NAV1: variants seen among roughly 807,000 people sequenced by gnomAD.
NAV1 encodes neuron navigator 1.
NAV1 carries 18 observed loss-of-function variants against 175.2 expected under a neutral mutation model. The ratio of observed to expected loss-of-function variants is 0.10; its 90% confidence interval spans 0.07 to 0.15. NAV1 has a LOEUF of 0.15. Among genes scored for constraint, NAV1 ranks in the 10% least tolerant of loss-of-function variants. NAV1 has a pLI of 1.00. For missense variants in NAV1, 1,731 were observed against 2,436.6 expected, an observed-to-expected ratio of 0.71 and a Z score of 6.10; for synonymous variants, 897 against 978.7, an observed-to-expected ratio of 0.92 and a Z score of 1.56.
At chr1:201,677,868 A>G (rs934821894) in intron 1 of NAV1, among the ~76,000 whole-genome samples, 1 of 152,090 alleles carries the variant, frequency 6.6e-6, no homozygotes, top group African/African-American at 2.4e-5. Context: ...GAGCTCAAGC[A>G]GTTTGCCCAC....
Position 201,750,298 on chromosome 1 carries a change from C to T in NAV1, c.1227-30123C>T, listed in dbSNP as rs1253775751. 1.3e-5 allele frequency among the ~76,000 whole-genome samples: 2 copies of T among 152,070 alleles called. No homozygotes were observed. Among genetic ancestry groups the T allele is most frequent in the African/African-American group, 2.4e-5 (1 of 41,410 alleles). ...CCCAAAGCAGAAAAACACCCATTTG[C>T]GTGGATGACTTGGTGCATCAGTGAT... On this transcript the variant is annotated intron_variant, in intron 3 of 29. Transcript: ENST00000367296. This position sits in a 1 kb window ranked among gnomAD's most constrained non-coding sequence, Gnocchi z 4.1.
chr1:201,658,432 A>T (rs1402303629), intron 1 of NAV1, among the ~76,000 whole-genome samples: 1 of 152,096 alleles, frequency 6.6e-6, no homozygotes, highest in African/African-American at 2.4e-5. Context: ...AAGTGATGTG[A>T]GTTTTGATAG....
chr1:201,603,988 G>T (rs1196590139), intron 2 of NAV1, among the ~76,000 whole-genome samples: 3 of 152,196 alleles, frequency 2.0e-5, no homozygotes, highest in African/African-American at 7.2e-5. Flanking sequence ...CTCCCACTCT[G>T]TGCCTGAGCT....
rs144186854 is a variant in NAV1, at chr1:201,640,951, C to T, written c.5-7683C>T. On this transcript the variant is annotated intron_variant, in intron 2 of 29. Coordinates refer to the NAV1 transcript ENST00000367302. ...TTGGGAAGCACCAATAGGTGAATGA[C>T]GAATGACAGCCCTGAACATTAGGAA... Among the ~76,000 whole-genome samples the T allele has an allele frequency of 3.7e-4, 57 of 152,280 alleles. No homozygotes were observed. In the East Asian group the frequency reaches 9.4e-3, roughly 25 times the overall value.
At chr1:201,761,613 A>G (rs1674849333) in intron 3 of NAV1, among the ~76,000 whole-genome samples, 1 of 152,208 alleles carries the variant, frequency 6.6e-6, no homozygotes, top group South Asian at 2.1e-4. Flanking sequence ...TGCTTTATGC[A>G]TCAGGAACAT....
chr1:201,598,644 G>A (rs1308642376), intron 2 of NAV1, among the ~76,000 whole-genome samples: 4 of 152,174 alleles, frequency 2.6e-5, no homozygotes, highest in African/African-American at 9.7e-5. Context: ...CTGTGACCTT[G>A]GACAATCTCT....
chr1:201,823,833 AG>A (rs1445276381), exon 30 of NAV1: 1 of 152,182 alleles, frequency 6.6e-6, no homozygotes, highest in African/African-American at 2.4e-5. Flanking sequence ...CACTACTCAG[AG>A]GGATAACCCC....
At chr1:201,760,380 T>G (rs1267097251) in intron 3 of NAV1, among the ~76,000 whole-genome samples, 2 of 152,246 alleles carry the variant, frequency 1.3e-5, no homozygotes, top group African/African-American at 4.8e-5. Flanking sequence ...TAAAAAAGAA[T>G]ATTATGTTTT....
chr1:201,550,082 C>T (rs574850448), intron 1 of NAV1, among the ~76,000 whole-genome samples: 443 of 150,732 alleles, frequency 2.9e-3, no homozygotes, highest in Non-Finnish European at 3.6e-3. Context: ...AGCTCCAGGA[C>T]GCAGCATGCC....
chr1:201,667,591 GA>G (rs1050743303), intron 1 of NAV1, among the ~76,000 whole-genome samples: 5 of 152,144 alleles, frequency 3.3e-5, no homozygotes, highest in African/African-American at 1.2e-4. Flanking sequence ...TTAGACAGTG[GA>G]CCCGGGGAGG....
exon 7 of NAV1, chr1:201,783,663 C>A (rs1201342272): frequency 1.9e-6 from 3 of 1,614,110 alleles, no homozygotes; most frequent in Non-Finnish European, 2.5e-6. Context: ...CCAAAAGAGA[C>A]CCGCATGTAC....
chr1:201,776,190 A>T (rs1395152641), intron 3 of NAV1, among the ~76,000 whole-genome samples: 1 of 151,992 alleles, frequency 6.6e-6, no homozygotes, highest in Non-Finnish European at 1.5e-5. Flanking sequence ...AATAGAAAGG[A>T]TGGAAGATAA....
rs569518331 is a variant in NAV1 at position 201,604,388 on chromosome 1, G to A, written c.-33+15739G>A. Among the ~76,000 whole-genome samples the A allele has an allele frequency of 4.9e-4, 75 of 152,222 alleles. No homozygotes were observed. The South Asian group carries it at 0.015, about 31-fold the overall frequency. On this transcript the variant is annotated intron_variant, in intron 2 of 33. Coordinates refer to the NAV1 transcript ENST00000685211. ...CTATTTTATAGATAAGAAAACTGAAGCTCATGGGCCGGGTGTACAACGGCT... is the reference window on the plus strand; with the variant it reads ...CTATTTTATAGATAAGAAAACTGAAACTCATGGGCCGGGTGTACAACGGCT...
intron 3 of NAV1, among the ~76,000 whole-genome samples, chr1:201,776,740 A>C (rs898465949): frequency 2.0e-5 from 3 of 152,070 alleles, no homozygotes; most frequent in Non-Finnish European, 4.4e-5. Flanking sequence ...AATTACAAAT[A>C]CTCTAGAAGA....
chr1:201,729,380 C>G (rs1051006783), intron 3 of NAV1, among the ~76,000 whole-genome samples: 1 of 152,230 alleles, frequency 6.6e-6, no homozygotes, highest in African/African-American at 2.4e-5. Context: ...CACAGTGGCT[C>G]ACACCTGTAA....
intron 1 of NAV1, among the ~76,000 whole-genome samples, chr1:201,557,128 T>C (rs539455943): frequency 2.6e-4 from 39 of 152,246 alleles, no homozygotes; most frequent in African/African-American, 8.4e-4. Context: ...AAGATTTCTA[T>C]GCATTCCCAC....
Position 201,782,261 on chromosome 1 carries a change from G to A in NAV1, c.1749G>A (p.Arg583=). The stretch of plus-strand genomic sequence containing the variant: ...AACGCTCCTCCTCTGATGCTGGTCG[G>A]GACCGCCTGAGTGATGCTAAGAAGC... The change falls in exon 6 of 30, where the codon CGG becomes CGA. Residue 583 remains arginine, a synonymous_variant. Coordinates refer to ENST00000367296, the Ensembl canonical transcript of NAV1. The surrounding 1 kb of genome is among the most constrained non-coding windows in gnomAD (Gnocchi z 5.4). 6.2e-7 allele frequency: 1 copy of A among 1,614,170 alleles called. No individual in the cohort carries two copies. The highest frequency in any genetic ancestry group is 8.5e-7 in the Non-Finnish European group (1 of 1,180,022).
chr1:201,608,800 C>T (rs943921674), intron 2 of NAV1, among the ~76,000 whole-genome samples: 5 of 152,160 alleles, frequency 3.3e-5, no homozygotes, highest in South Asian at 2.1e-4. Flanking sequence ...CCTCTCCCTC[C>T]GTGCGTGACT....
intron 1 of NAV1, among the ~76,000 whole-genome samples, chr1:201,679,660 A>G (rs1043699322): frequency 6.6e-6 from 1 of 152,184 alleles, no homozygotes; most frequent in Non-Finnish European, 1.5e-5. Flanking sequence ...TCCTTCTGCA[A>G]ATGAGGAAAC....
Sources: gnomAD v4.1 joint callset for allele counts (sites outside exome capture counted in the v4.1 genomes callset) on GRCh38, gnomAD v4.1.1 for gene constraint, Gnocchi (gnomAD v3.1) non-coding constraint, MANE v1.5 for transcripts, NCBI Gene and HGNC (gene_info 2026-07-23, HGNC 2026-07-21) for gene names.